The following CCNK variants were observed in gnomAD, a reference collection of about 807,000 sequenced individuals.
The protein encoded by CCNK is cyclin K.
In CCNK, 9 loss-of-function variants were observed where a neutral mutation model predicts 65.0. The observed-to-expected ratio is 0.14, with a 90% CI of 0.08 to 0.24. The LOEUF (loss-of-function observed/expected upper bound fraction) is 0.24. CCNK is among the 10% of genes least tolerant of loss of function. The pLI, the probability that CCNK is intolerant of heterozygous loss-of-function variation, is 1.00. For synonymous variants in CCNK, 279 were observed against 270.8 expected (o/e 1.03, Z -0.30); for missense variants, 474 against 720.0 (o/e 0.66, Z 3.91).
rs372216197 is a variant in CCNK at position 99,502,779 on chromosome 14, C to A, written c.806C>A (p.Thr269Asn). The A allele has an allele frequency of 6.2e-7, 1 of 1,613,194 alleles. No individual in the cohort carries two copies. The highest frequency in any genetic ancestry group is 1.3e-5 in the African/African-American group (1 of 74,806). ...GGAAAACAACAGATGCCTCATCACA[C>A]CCCCCATCAGCTGCAACAGCCCCCA... ...SQGKQQMPHH[T>N]PHQLQQPPSL... The change falls in exon 8 of 11, where the codon ACC becomes AAC. Residue 269 changes from threonine (T) to asparagine (N), a missense_variant. By Grantham distance (65) the Thr-to-Asn change is moderately conservative (BLOSUM62 0). Coordinates refer to ENST00000389879, the MANE Select transcript of CCNK (RefSeq NM_001099402.2).
chr14:99,490,795 G>A (rs960066879), intron 1 of CCNK, among the ~76,000 whole-genome samples: 1 of 152,010 alleles, frequency 6.6e-6, no homozygotes, highest in Non-Finnish European at 1.5e-5. Flanking sequence ...AGGCGTGGTG[G>A]CGGGCGCCTG....
At chr14:99,495,439 G>T (rs1896680628) in intron 3 of CCNK, 59 bp from the exon 4 acceptor site, 4 of 1,512,236 alleles carry the variant, frequency 2.6e-6, no homozygotes, top group Non-Finnish European at 3.5e-6. Context: ...AAAATTTATT[G>T]TATCTATTTC....
chr14:99,482,837 A>T (rs886139250), intron 1 of CCNK, among the ~76,000 whole-genome samples: 38 of 144,368 alleles, frequency 2.6e-4, no homozygotes, highest in Non-Finnish European at 4.9e-4. Flanking sequence ...TCATTTCAGG[A>T]CATTATATTT....
At chr14:99,500,542 T>C (rs1219825800) in intron 4 of CCNK, 3 of 469,222 alleles carry the variant, frequency 6.4e-6, no homozygotes, top group Non-Finnish European at 1.1e-5. Context: ...TTCAGTATTT[T>C]TTTTTACATT....
chr14:99,498,029 T>G (rs1358026857), intron 4 of CCNK, among the ~76,000 whole-genome samples: 2 of 152,208 alleles, frequency 1.3e-5, no homozygotes, highest in Non-Finnish European at 2.9e-5. Context: ...GAACATGCTG[T>G]GGTTCAGTCA....
At chr14:99,499,540 G>T (rs1355065151) in intron 4 of CCNK, among the ~76,000 whole-genome samples, 1 of 152,140 alleles carries the variant, frequency 6.6e-6, no homozygotes, top group Non-Finnish European at 1.5e-5. Context: ...CTGTTGATGA[G>T]ATTTACAGTC....
intron 4 of CCNK, among the ~76,000 whole-genome samples, chr14:99,499,665 G>A (rs1896778441): frequency 6.6e-6 from 1 of 152,180 alleles, no homozygotes; most frequent in Non-Finnish European, 1.5e-5. Flanking sequence ...ACAGTCGGCT[G>A]TACAGGGGCT....
At chr14:99,502,617 T>C in intron 7 of CCNK, 102 bp from the exon 8 acceptor site, 1 of 1,261,718 alleles carries the variant, frequency 7.9e-7, no homozygotes, top group East Asian at 2.5e-5. Flanking sequence ...ATGTGATTCA[T>C]GCTTAGGTCC....
At chr14:99,506,856 G>A (rs1334576781) in intron 9 of CCNK, 1 of 522,204 alleles carries the variant, frequency 1.9e-6, no homozygotes, top group Non-Finnish European at 3.5e-6. Context: ...TGGGCTGCCT[G>A]TGGGAAGCTC....
intron 10 of CCNK, chr14:99,509,068 T>G (rs1897046649): frequency 6.6e-6 from 1 of 152,256 alleles, no homozygotes; most frequent in Non-Finnish European, 1.5e-5. Flanking sequence ...GATGAAATCC[T>G]GCTCATGCTC....
chr14:99,498,860 A>G (rs775563220), intron 4 of CCNK, among the ~76,000 whole-genome samples: 14 of 152,180 alleles, frequency 9.2e-5, no homozygotes, highest in Non-Finnish European at 1.9e-4. Flanking sequence ...TAATGACCCC[A>G]TTAATTGAAT....
intron 3 of CCNK, chr14:99,495,235 C>CTT (rs1393113887): frequency 4.6e-6 from 1 of 218,602 alleles, no homozygotes; most frequent in Non-Finnish European, 9.0e-6. Flanking sequence ...TTATGTGACT[C>CTT]TTTTCCTTTT....
Position 99,495,478 on chromosome 14 carries a change from A to T in CCNK, c.280-20A>T. 6.3e-7 allele frequency: 1 copy of T among 1,594,518 alleles called. No individual in the cohort carries two copies. The highest frequency in any genetic ancestry group is 8.5e-7 in the Non-Finnish European group (1 of 1,174,108). ...GTGACCTTTGATAACAAAAATCAAG[A>T]ACTTTTGTTTCCCTTTTAGGTGACA... is the stretch of plus-strand genomic sequence containing the variant. On this transcript the variant is annotated intron_variant, in intron 3 of 10. Coordinates refer to ENST00000389879, the MANE Select transcript of CCNK (RefSeq NM_001099402.2).
chr14:99,486,012 C>T (rs1166513885), intron 1 of CCNK, among the ~76,000 whole-genome samples: 1 of 151,970 alleles, frequency 6.6e-6, no homozygotes, highest in Non-Finnish European at 1.5e-5. Context: ...AATCCTATAC[C>T]GTACAAATTA....
At chr14:99,494,870 C>T (rs4905839) in intron 3 of CCNK, 148,427 of 152,354 alleles carry the variant, frequency 0.97, 72,404 homozygotes, top group East Asian at 1. Flanking sequence ...GGCTCCTTGC[C>T]GCATCCTCAA....
At chr14:99,493,850 T>G in intron 3 of CCNK, 2 of 299,422 alleles carry the variant, frequency 6.7e-6, no homozygotes, top group Non-Finnish European at 1.2e-5. Context: ...CGTGGTACCT[T>G]TCCCAGCATA....
chr14:99,504,162 CAGA>C (rs1208877317), intron 9 of CCNK: 3 of 264,704 alleles, frequency 1.1e-5, no homozygotes, highest in Non-Finnish European at 2.4e-5. Context: ...TGGAAATAAA[CAGA>C]AGGAGTGAGC....
chr14:99,503,818 C>T (rs1896903767), intron 9 of CCNK, 174 bp downstream of exon 9: 1 of 601,128 alleles, frequency 1.7e-6, no homozygotes, highest in South Asian at 2.1e-5. Flanking sequence ...ATCATAGATT[C>T]TAAAATTGTG....
At chr14:99,510,128 C>G in intron 10 of CCNK, 29 bp from the exon 11 acceptor site, 1 of 1,575,504 alleles carries the variant, frequency 6.3e-7, no homozygotes, top group African/African-American at 1.3e-5. Flanking sequence ...CTGGCGGAGG[C>G]CGGGCACTGA....
Sources: gnomAD v4.1 joint callset for allele counts (sites outside exome capture counted in the v4.1 genomes callset) on GRCh38, gnomAD v4.1.1 for gene constraint, MANE v1.5 for transcripts, NCBI Gene and HGNC (gene_info 2026-07-23, HGNC 2026-07-21) for gene names.